CTNNA1: variants seen among roughly 807,000 people sequenced by gnomAD.
CTNNA1 encodes catenin alpha-1.
A neutral mutation model predicts 98.4 loss-of-function variants in CTNNA1; 37 were observed. The observed-to-expected ratio is 0.38, with a 90% CI of 0.29 to 0.49. The LOEUF (loss-of-function observed/expected upper bound fraction) is 0.49. Ranked by LOEUF, CTNNA1 falls within the 20% of genes least tolerant of loss-of-function variation. The probability of loss-of-function intolerance (pLI) is 0.95; values close to 1 mark genes in which losing one functional copy is unlikely to be tolerated. For missense variants in CTNNA1, 761 were observed against 1,147.2 expected (o/e 0.66, Z 4.86); for synonymous variants, 404 against 413.2 (o/e 0.98, Z 0.27).
At position 138,753,441 on chromosome 5, in the gene CTNNA1, T is replaced by A; in HGVS notation, c.-72T>A. The stretch of plus-strand genomic sequence containing the variant: ...GCCCATTTCCTCCTCCTAGCCGGAC[T>A]GGAGGGAGACAAAGCAGCGCCCGTC... On this transcript the variant is annotated 5_prime_UTR_variant, in exon 1 of 18. Coordinates refer to ENST00000302763, the MANE Select transcript of CTNNA1 (RefSeq NM_001903.5). 2.7e-6 allele frequency: 1 copy of A among 371,558 alleles called. No individual in the cohort carries two copies. The highest frequency in any genetic ancestry group is 4.8e-6 in the Non-Finnish European group (1 of 209,030). The allele number at this position is 371,558 out of a possible 1,614,324, so 23.0% of individuals were successfully genotyped here. A position where few individuals can be genotyped will look rare whatever the true frequency, so the allele number is the denominator to read the frequency against.
intron 9 of CTNNA1, among the ~76,000 whole-genome samples, chr5:138,903,021 T>C (rs983250275): frequency 1.3e-5 from 2 of 152,162 alleles, no homozygotes; most frequent in African/African-American, 4.8e-5. Context: ...TCTCTCTGCT[T>C]GGGTCCAGAT....
intron 5 of CTNNA1, among the ~76,000 whole-genome samples, chr5:138,814,545 T>G (rs1759210044): frequency 6.6e-6 from 1 of 152,200 alleles, no homozygotes; most frequent in Middle Eastern, 3.2e-3. Context: ...TTTATTTTAA[T>G]TAATGGGTTT....
intron 16 of CTNNA1, chr5:138,931,762 T>TGCC: frequency 1.0e-6 from 1 of 985,570 alleles, no homozygotes; most frequent in Non-Finnish European, 1.2e-6. Context: ...CACATGGCTC[T>TGCC]GCCCTGCTTC....
At chr5:138,884,814 G>A (rs1753679204) in intron 7 of CTNNA1, among the ~76,000 whole-genome samples, 1 of 152,130 alleles carries the variant, frequency 6.6e-6, no homozygotes, top group Non-Finnish European at 1.5e-5. Context: ...TCAGTTGGTT[G>A]GTTGACATTC....
At chr5:138,888,119 C>G (rs1227146362) in intron 9 of CTNNA1, among the ~76,000 whole-genome samples, 1 of 152,134 alleles carries the variant, frequency 6.6e-6, no homozygotes, top group Non-Finnish European at 1.5e-5. Context: ...TAGCTTTATG[C>G]CTGAGACATA....
chr5:138,933,983 G>A lies in CTNNA1; in HGVS notation c.2615G>A (p.Arg872Lys). 1 of 1,614,162 alleles carries A rather than the reference G, an allele frequency of 6.2e-7. No individual in the cohort carries two copies. The highest frequency in any genetic ancestry group is 8.5e-7 in the Non-Finnish European group (1 of 1,180,026). Residue 872 changes from arginine to lysine, a missense_variant, in exon 18 of 18, where the codon AGA becomes AAA. Around this residue, in one of 6 missense-constraint regions of CTNNA1, gnomAD observed 57 missense variants for 90.9 expected, o/e 0.63. Transcript: ENST00000302763. ...KAPEKKPLVK[R>K]EKQDETQTKI... ...CCAGAGAAAAAGCCATTGGTGAAGA[G>A]AGAGAAACAGGATGAGACACAGACC...
intron 1 of CTNNA1, among the ~76,000 whole-genome samples, chr5:138,771,379 T>G (rs1173700016): frequency 6.6e-6 from 1 of 152,020 alleles, no homozygotes; most frequent in Non-Finnish European, 1.5e-5. Flanking sequence ...TATTATTATT[T>G]ATTTATTTTT....
At chr5:138,854,583 A>C (rs1421599589) in intron 7 of CTNNA1, among the ~76,000 whole-genome samples, 1 of 152,226 alleles carries the variant, frequency 6.6e-6, no homozygotes, top group East Asian at 1.9e-4. Context: ...AAATATAGAA[A>C]TTATGTGGTA....
At chr5:138,886,409 C>A in intron 8 of CTNNA1, 117 bp downstream of exon 8, 1 of 1,074,686 alleles carries the variant, frequency 9.3e-7, no homozygotes, top group Non-Finnish European at 1.3e-6. Flanking sequence ...TGGATTTTCA[C>A]AAGAAAGTGC....
chr5:138,886,296 A>G lies in CTNNA1; in HGVS notation c.1143+4A>G, dbSNP rs1382437273. On this transcript the variant is annotated splice_donor_region_variant and intron_variant, in intron 8 of 17. Transcript: ENST00000302763. ...GACCAGGGACTTGCGTAGACAGGTA[A>G]TCTGGATGAAAGTGCTGATTGTTTT... 1.3e-6 allele frequency: 2 copies of G among 1,589,418 alleles called. No homozygotes were observed. The highest frequency in any genetic ancestry group is 8.5e-7 in the Non-Finnish European group (1 of 1,172,118).
At chr5:138,805,009 A>C (rs1434443741) in intron 3 of CTNNA1, among the ~76,000 whole-genome samples, 1 of 152,162 alleles carries the variant, frequency 6.6e-6, no homozygotes, top group Non-Finnish European at 1.5e-5. Flanking sequence ...GCTTCCAATC[A>C]TGGTGGAAGG....
intron 1 of CTNNA1, among the ~76,000 whole-genome samples, chr5:138,764,139 T>C (rs1752649427): frequency 6.6e-6 from 1 of 151,656 alleles, no homozygotes; most frequent in Non-Finnish European, 1.5e-5. Flanking sequence ...GAGCTGAGAT[T>C]GTGCCATTGC....
chr5:138,882,600 G>T (rs926979857), intron 7 of CTNNA1, among the ~76,000 whole-genome samples: 1 of 152,064 alleles, frequency 6.6e-6, no homozygotes, highest in African/African-American at 2.4e-5. Context: ...TTTCATTTAG[G>T]GACTAAAATG....
intron 7 of CTNNA1, among the ~76,000 whole-genome samples, chr5:138,885,776 G>A (rs1753898160): frequency 1.3e-5 from 2 of 152,080 alleles, no homozygotes; most frequent in African/African-American, 4.8e-5. Context: ...CATTGTTTCA[G>A]TGCCAGGTCC....
Position 138,768,482 on chromosome 5 carries a change from A to G in CTNNA1, c.-2-13441A>G, listed in dbSNP as rs1429830284. Among the ~76,000 whole-genome samples, 3 of 151,484 alleles carry G rather than the reference A, an allele frequency of 2.0e-5. No individual in the cohort carries two copies. In the East Asian group the frequency reaches 5.8e-4, roughly 29 times the overall value. On this transcript the variant is annotated intron_variant, in intron 1 of 17. Coordinates refer to ENST00000302763, the MANE Select transcript of CTNNA1 (RefSeq NM_001903.5). ...CACCATGTTGGCCAGGGTGGCCTCAAATTCCTAACCTCAAGCAATCCACCC... is the reference window on the plus strand; with the variant it reads ...CACCATGTTGGCCAGGGTGGCCTCAGATTCCTAACCTCAAGCAATCCACCC...
intron 7 of CTNNA1, among the ~76,000 whole-genome samples, chr5:138,845,953 T>G (rs1762686757): frequency 6.6e-6 from 1 of 151,682 alleles, no homozygotes; most frequent in East Asian, 1.9e-4. Context: ...TTGAGACAGA[T>G]TCTCGCTGTC....
chr5:138,918,769 T>C (rs1762315394), intron 11 of CTNNA1, among the ~76,000 whole-genome samples: 1 of 152,224 alleles, frequency 6.6e-6, no homozygotes, highest in Admixed American at 6.5e-5. Context: ...TCTCTGAAAG[T>C]GCCAGACTTC....
chr5:138,793,009 T>C (rs914995830), intron 3 of CTNNA1, among the ~76,000 whole-genome samples: 3 of 152,160 alleles, frequency 2.0e-5, no homozygotes, highest in Non-Finnish European at 1.5e-5. Context: ...GATGTCTCTT[T>C]TCATGTGATC....
intron 7 of CTNNA1, among the ~76,000 whole-genome samples, chr5:138,861,450 T>C (rs1484346447): frequency 6.6e-6 from 1 of 152,208 alleles, no homozygotes; most frequent in Non-Finnish European, 1.5e-5. Flanking sequence ...AAATGAAAGG[T>C]CCCAGCTTTC....
Sources: allele counts gnomAD v4.1 joint callset (sites outside exome capture counted in the v4.1 genomes callset), GRCh38; gene constraint gnomAD v4.1.1; regional missense constraint gnomAD v4.1.1; transcripts MANE v1.5; gene names NCBI Gene and HGNC (gene_info 2026-07-23, HGNC 2026-07-21).